The following LRRC4C variants were observed in gnomAD, a reference collection of about 807,000 sequenced individuals.
LRRC4C encodes leucine rich repeat containing 4C.
In LRRC4C, 5 loss-of-function variants were observed where a neutral mutation model predicts 33.6. That is an observed-to-expected ratio of 0.15 (90% CI 0.08 to 0.31). The LOEUF is 0.31. Among genes scored for constraint, LRRC4C ranks in the 10% least tolerant of loss-of-function variants. The probability of loss-of-function intolerance (pLI) is 1.00; values close to 1 mark genes in which losing one functional copy is unlikely to be tolerated. For missense variants in LRRC4C, 560 were observed against 796.7 expected (o/e 0.70, Z 3.58); for synonymous variants, 329 against 302.0 (o/e 1.09, Z -0.93).
chr11:40,987,554 G>A (rs561811019), intron 1 of LRRC4C, among the ~76,000 whole-genome samples: 1 of 148,496 alleles, frequency 6.7e-6, no homozygotes, highest in African/African-American at 2.5e-5. Context: ...ATCTAGTATC[G>A]GAGCATGGAA....
chr11:40,223,151 A>G (rs147532505), intron 5 of LRRC4C, among the ~76,000 whole-genome samples: 320 of 152,342 alleles, frequency 2.1e-3, no homozygotes, highest in African/African-American at 7.4e-3. Flanking sequence ...TATGTTTGCA[A>G]TGGGGAAATC....
At chr11:40,484,074 G>A (rs908455543) in intron 3 of LRRC4C, among the ~76,000 whole-genome samples, 3 of 152,034 alleles carry the variant, frequency 2.0e-5, no homozygotes, top group African/African-American at 7.2e-5. Flanking sequence ...TGCCCAGCTG[G>A]AAAGGCTGGA....
At chr11:40,731,965 T>C (rs1947606690) in intron 2 of LRRC4C, among the ~76,000 whole-genome samples, 1 of 152,114 alleles carries the variant, frequency 6.6e-6, no homozygotes, top group Non-Finnish European at 1.5e-5. Context: ...TGGACCTTTT[T>C]TGAAAAGTTC....
At position 41,452,115 on chromosome 11, in the gene LRRC4C, C is replaced by T. The variant is rs558936781; in HGVS notation, c.-496+7316G>A. Among the ~76,000 whole-genome samples, 29 of 152,126 alleles carry T rather than the reference C, an allele frequency of 1.9e-4. No homozygotes were observed. The South Asian group carries it at 6.0e-3, about 31-fold the overall frequency. ...CAACTTATATGGATTATTTTCTTTA[C>T]TTCTTCCATTTGGAGTATCTACTGG... On this transcript the variant is annotated intron_variant, in intron 1 of 6. Coordinates refer to ENST00000528697, the MANE Select transcript of LRRC4C (RefSeq NM_001258419.2).
At chr11:40,148,905 C>T (rs1025528465) in intron 5 of LRRC4C, among the ~76,000 whole-genome samples, 48 of 152,168 alleles carry the variant, frequency 3.2e-4, no homozygotes, top group African/African-American at 1.1e-3. Context: ...ATATGGCTAG[C>T]CAGTTACCCC....
In LRRC4C at chr11:40,244,694, G is replaced by A. The variant is rs549115849; in HGVS notation, c.-175-3096C>T. ...TATGCCTTCTCACTTATTAACCTGT[G>A]TTTTTTGAGTTGATTTTCAGCAGTG... is the stretch of plus-strand genomic sequence containing the variant. On this transcript the variant is annotated intron_variant, in intron 4 of 6. Coordinates refer to ENST00000528697, the MANE Select transcript of LRRC4C (RefSeq NM_001258419.2). Among the ~76,000 whole-genome samples, 27 of 150,746 alleles carry A rather than the reference G, an allele frequency of 1.8e-4. 1 individual carries two copies. Among genetic ancestry groups the A allele is most frequent in the Middle Eastern group, 6.8e-3 (2 of 292 alleles).
intron 3 of LRRC4C, among the ~76,000 whole-genome samples, chr11:40,450,627 C>A (rs1259007291): frequency 2.0e-5 from 3 of 151,776 alleles, no homozygotes; most frequent in African/African-American, 4.8e-5. Context: ...AGGCTTGGAG[C>A]CTGTTAGAAA....
intron 5 of LRRC4C, among the ~76,000 whole-genome samples, chr11:40,196,935 C>A (rs1166901781): frequency 6.6e-6 from 1 of 152,088 alleles, no homozygotes; most frequent in African/African-American, 2.4e-5. Context: ...GCTATGGAGA[C>A]CACATTATTT....
intron 1 of LRRC4C, among the ~76,000 whole-genome samples, chr11:41,373,633 AGGCATGCAAAT>A (rs1472115080): frequency 6.6e-6 from 1 of 152,170 alleles, no homozygotes; most frequent in Non-Finnish European, 1.5e-5. Flanking sequence ...ACTTGAATCC[AGGCATGCAAAT>A]GGCCATGATC....
At chr11:40,992,359 A>G (rs1853639439) in intron 1 of LRRC4C, among the ~76,000 whole-genome samples, 1 of 151,974 alleles carries the variant, frequency 6.6e-6, no homozygotes, top group Non-Finnish European at 1.5e-5. Context: ...TTATTTTAAT[A>G]TAAATTAATA....
intron 1 of LRRC4C, among the ~76,000 whole-genome samples, chr11:41,346,830 G>A (rs1040485517): frequency 6.6e-6 from 1 of 152,064 alleles, no homozygotes; most frequent in African/African-American, 2.4e-5. Flanking sequence ...TACCAACTGG[G>A]ACACCAAATT....
chr11:41,428,118 G>A (rs1002722453), intron 1 of LRRC4C, among the ~76,000 whole-genome samples: 1 of 152,164 alleles, frequency 6.6e-6, no homozygotes, highest in Admixed American at 6.5e-5. Flanking sequence ...ACATGGATAC[G>A]AGTGAGAAAG....
chr11:40,283,693 CTTTTTTTTTTTT>C (rs5791366), intron 4 of LRRC4C, among the ~76,000 whole-genome samples: 1 of 59,262 alleles, frequency 1.7e-5, no homozygotes, highest in African/African-American at 7.1e-5. Flanking sequence ...GGTCCATATT[CTTTTTTTTTTTT>C]TTTTTTTTTT....
Position 41,274,842 on chromosome 11 carries a change from G to A in LRRC4C, c.-496+184589C>T, listed in dbSNP as rs117212958. ...TTCATTCTTGAATCAGCGAGACCAC[G>A]AACCCACCGGAAGGAACAAACTCCG... is the stretch of plus-strand genomic sequence containing the variant. On this transcript the variant is annotated intron_variant, in intron 1 of 6. Coordinates refer to ENST00000528697, the MANE Select transcript of LRRC4C (RefSeq NM_001258419.2). Among the ~76,000 whole-genome samples, 1,152 of 152,172 alleles carry A rather than the reference G, an allele frequency of 7.6e-3. 7 individuals are homozygous for A. Among genetic ancestry groups the A allele is most frequent in the Non-Finnish European group, 0.013 (867 of 67,998 alleles).
chr11:40,887,228 A>G (rs538153896), intron 2 of LRRC4C, among the ~76,000 whole-genome samples: 1 of 151,822 alleles, frequency 6.6e-6, no homozygotes, highest in Admixed American at 6.6e-5. Flanking sequence ...ATTTTGAAAA[A>G]TCATTATTTT....
chr11:40,683,602 T>G (rs1944808575), intron 2 of LRRC4C, among the ~76,000 whole-genome samples: 1 of 152,112 alleles, frequency 6.6e-6, no homozygotes, highest in Non-Finnish European at 1.5e-5. Context: ...ACAGAATGAA[T>G]CATATGTACT....
intron 2 of LRRC4C, among the ~76,000 whole-genome samples, chr11:40,696,715 G>GA (rs1277998562): frequency 7.3e-6 from 1 of 137,868 alleles, no homozygotes; most frequent in Admixed American, 7.4e-5. Flanking sequence ...TTGCAGCACA[G>GA]AAAAATTGTC....
chr11:41,273,598 G>A (rs1018083235), intron 1 of LRRC4C, among the ~76,000 whole-genome samples: 13 of 152,228 alleles, frequency 8.5e-5, no homozygotes, highest in Admixed American at 7.2e-4. Flanking sequence ...AAAGGAAGGG[G>A]AAAATGGAGA....
intron 2 of LRRC4C, among the ~76,000 whole-genome samples, chr11:40,679,581 G>A (rs548771421): frequency 6.6e-6 from 1 of 152,292 alleles, no homozygotes; most frequent in East Asian, 1.9e-4. Flanking sequence ...AGCATCTCCA[G>A]CCGTGACTGA....
Sources: allele counts gnomAD v4.1 joint callset (sites outside exome capture counted in the v4.1 genomes callset), GRCh38; gene constraint gnomAD v4.1.1; transcripts MANE v1.5; gene names NCBI Gene and HGNC (gene_info 2026-07-23, HGNC 2026-07-21).